MTUS2: variants seen among roughly 807,000 people sequenced by gnomAD.
MTUS2 encodes the protein microtubule associated scaffold protein 2.
In MTUS2, 40 loss-of-function variants were observed where a neutral mutation model predicts 114.1. That is an observed-to-expected ratio of 0.35 (90% CI 0.27 to 0.46). The LOEUF (loss-of-function observed/expected upper bound fraction) is 0.46, where lower values mean the gene tolerates loss of function less well. Ranked by LOEUF, MTUS2 falls within the 20% of genes least tolerant of loss-of-function variation. MTUS2 has a pLI of 1.00. For synonymous variants in MTUS2, 688 were observed against 672.0 expected, an observed-to-expected ratio of 1.02 and a Z score of -0.37; for missense variants, 1,679 against 1,705.4, an observed-to-expected ratio of 0.98 and a Z score of 0.27.
In MTUS2 at chr13:29,371,982, CCCCCCA is replaced by C. The variant is rs1246399289; in HGVS notation, c.3117+12511_3117+12516del. Among the ~76,000 whole-genome samples, 8 of 48,214 alleles carry C rather than the reference CCCCCCA, an allele frequency of 1.7e-4. 2 individuals are homozygous for C. The highest frequency in any genetic ancestry group is 1.0e-3 in the South Asian group (1 of 1,004). 31.6% of individuals were successfully genotyped at this position (48,214 alleles called of 152,430 possible). On this transcript the variant is annotated intron_variant, in intron 8 of 15. Coordinates refer to ENST00000612955, the MANE Select transcript of MTUS2 (RefSeq NM_001033602.4). ...TTAAGTGTCCTCAACCCCCGCCCCC[CCCCCCA>C]CACACACACACAAGCACAAAAGGTA... is the stretch of plus-strand genomic sequence containing the variant.
intron 9 of MTUS2, among the ~76,000 whole-genome samples, chr13:29,452,191 CA>C (rs1420174624): frequency 1.3e-5 from 2 of 152,068 alleles, no homozygotes; most frequent in Non-Finnish European, 2.9e-5. Context: ...GTTTGGTTGC[CA>C]TGGAAAATAC....
intron 5 of MTUS2, among the ~76,000 whole-genome samples, chr13:29,159,687 T>A (rs1893013796): frequency 6.6e-6 from 1 of 151,730 alleles, no homozygotes; most frequent in African/African-American, 2.4e-5. Flanking sequence ...ATAAGAGATA[T>A]GAGCAGCCAT....
chr13:29,310,585 T>G (rs1307543635), intron 6 of MTUS2, among the ~76,000 whole-genome samples: 2 of 152,272 alleles, frequency 1.3e-5, no homozygotes, highest in East Asian at 3.9e-4. Context: ...AACAAAAAGA[T>G]TTGGTCAACA....
intron 2 of MTUS2, among the ~76,000 whole-genome samples, chr13:28,883,110 C>T (rs574088304): frequency 1.3e-5 from 2 of 152,320 alleles, no homozygotes; most frequent in Admixed American, 6.5e-5. Context: ...AATATCACTG[C>T]ACACCTATCA....
intron 3 of MTUS2, among the ~76,000 whole-genome samples, chr13:29,029,931 G>C (rs1201239720): frequency 6.6e-6 from 1 of 152,142 alleles, no homozygotes; most frequent in Non-Finnish European, 1.5e-5. Context: ...TCCAACATTG[G>C]AGATCACATT....
At chr13:29,001,622 A>T (rs1422876520) in intron 2 of MTUS2, among the ~76,000 whole-genome samples, 6 of 152,174 alleles carry the variant, frequency 3.9e-5, no homozygotes, top group Non-Finnish European at 5.9e-5. Context: ...GATCTGTTCA[A>T]CATCTGTGCT....
At position 29,276,237 on chromosome 13, in the gene MTUS2, C is replaced by T. The variant is rs557758491; in HGVS notation, c.2645-5467C>T. 9.2e-5 allele frequency among the ~76,000 whole-genome samples: 14 copies of T among 152,304 alleles called. No individual in the cohort carries two copies. The South Asian group carries it at 2.9e-3, about 32-fold the overall frequency. The stretch of plus-strand genomic sequence containing the variant: ...ATGCTGAAAGAGCATTTTGTCCTAA[C>T]AGTTTAATGAGAAAATTGTAGAGAG... On this transcript the variant is annotated intron_variant, in intron 5 of 15. Transcript: ENST00000612955.
chr13:29,154,989 C>G (rs1459065857), intron 5 of MTUS2, among the ~76,000 whole-genome samples: 1 of 152,198 alleles, frequency 6.6e-6, no homozygotes, highest in Non-Finnish European at 1.5e-5. Flanking sequence ...ACTGATGCCG[C>G]CTCGGCTGCT....
intron 2 of MTUS2, among the ~76,000 whole-genome samples, chr13:28,898,779 AAAT>A (rs1200111230): frequency 1.3e-5 from 2 of 152,358 alleles, no homozygotes; most frequent in Non-Finnish European, 1.5e-5. Context: ...CATACTTAGC[AAAT>A]AATATCATGT....
At position 29,407,641 on chromosome 13, in the gene MTUS2, C is replaced by T. The variant is rs1453322959; in HGVS notation, c.3118-32342C>T. Among the ~76,000 whole-genome samples the T allele has an allele frequency of 2.0e-5, 3 of 151,914 alleles. No individual in the cohort carries two copies. In the South Asian group the frequency reaches 6.2e-4, roughly 32 times the overall value. ...AACAGGCACCCGCCACCACACCCAG[C>T]TAACTTTTTGTTTTTTTAGTAGAGA... On this transcript the variant is annotated intron_variant, in intron 8 of 15. Transcript: ENST00000612955.
At chr13:29,257,488 T>TA (rs2139451673) in intron 5 of MTUS2, among the ~76,000 whole-genome samples, 1 of 152,324 alleles carries the variant, frequency 6.6e-6, no homozygotes, top group African/African-American at 2.4e-5. Context: ...GTAGAGCGAA[T>TA]AAAAAATCAT....
chr13:28,903,936 T>A (rs2137972304), intron 2 of MTUS2, among the ~76,000 whole-genome samples: 1 of 152,330 alleles, frequency 6.6e-6, no homozygotes, highest in African/African-American at 2.4e-5. Flanking sequence ...GTTTCCTGAC[T>A]TTTTAATGAT....
chr13:28,953,811 T>G (rs903990600), intron 2 of MTUS2, among the ~76,000 whole-genome samples: 10 of 152,180 alleles, frequency 6.6e-5, no homozygotes, highest in African/African-American at 2.4e-4. Context: ...TTTGTGTAAT[T>G]TTTACATATG....
At chr13:29,105,134 A>G (rs1207346297) in intron 5 of MTUS2, among the ~76,000 whole-genome samples, 3 of 152,246 alleles carry the variant, frequency 2.0e-5, no homozygotes, top group African/African-American at 2.4e-5. Context: ...CTCAACTGGT[A>G]TAATAAAAAT....
At chr13:29,436,179 C>T (rs1171261872) in intron 8 of MTUS2, among the ~76,000 whole-genome samples, 1 of 152,182 alleles carries the variant, frequency 6.6e-6, no homozygotes, top group Non-Finnish European at 1.5e-5. Context: ...TGCTCAGATC[C>T]AGGCCGAGGC....
At chr13:29,338,256 AT>A (rs901656956) in intron 7 of MTUS2, among the ~76,000 whole-genome samples, 1 of 151,908 alleles carries the variant, frequency 6.6e-6, no homozygotes, top group Non-Finnish European at 1.5e-5. Flanking sequence ...TTAATTCATG[AT>A]TTTTTTCTTT....
At chr13:29,461,859 C>T (rs1003937203) in intron 9 of MTUS2, among the ~76,000 whole-genome samples, 3 of 152,150 alleles carry the variant, frequency 2.0e-5, no homozygotes, top group African/African-American at 7.2e-5. Context: ...TTGGCTAAGG[C>T]GCTCTATGGA....
intron 5 of MTUS2, among the ~76,000 whole-genome samples, chr13:29,112,296 A>T (rs1890912685): frequency 6.6e-6 from 1 of 152,142 alleles, no homozygotes; most frequent in Non-Finnish European, 1.5e-5. Flanking sequence ...AGCGAGGCAG[A>T]GGAGTGTCAG....
chr13:29,347,343 A>G (rs1868795028), intron 7 of MTUS2, among the ~76,000 whole-genome samples: 1 of 152,106 alleles, frequency 6.6e-6, no homozygotes, highest in South Asian at 2.1e-4. Flanking sequence ...ACAAATTTTG[A>G]CACACTGGGT....
Sources: gnomAD v4.1 joint callset for allele counts (sites outside exome capture counted in the v4.1 genomes callset) on GRCh38, gnomAD v4.1.1 for gene constraint, MANE v1.5 for transcripts, NCBI Gene and HGNC (gene_info 2026-07-23, HGNC 2026-07-21) for gene names.